ZBED6: variants seen among roughly 807,000 people sequenced by gnomAD.
ZBED6 encodes zinc finger BED domain-containing protein 6.
Under a neutral mutation model 58.4 loss-of-function variants are expected in ZBED6, and 40 were observed. That is an observed-to-expected ratio of 0.68 (90% CI 0.53 to 0.89). The LOEUF (loss-of-function observed/expected upper bound fraction) is 0.89. Ranked by LOEUF, ZBED6 falls within the 40% of genes least tolerant of loss-of-function variation. The pLI, the probability that ZBED6 is intolerant of heterozygous loss-of-function variation, is 0.00. For missense variants in ZBED6, 1,057 were observed against 1,003.9 expected (o/e 1.05, Z -0.71); for synonymous variants, 439 against 350.6 (o/e 1.25, Z -2.82).
intron 1 of ZBED6, among the ~76,000 whole-genome samples, chr1:203,809,754 G>A (rs1372784084): frequency 1.3e-5 from 2 of 152,140 alleles, no homozygotes; most frequent in East Asian, 1.9e-4. Context: ...AGGAGTTCGA[G>A]ACCAATCTGG....
At chr1:203,828,155 A>G (rs1231545260) in intron 3 of ZBED6, 144 bp from the exon 4 acceptor site, 3 of 894,192 alleles carry the variant, frequency 3.4e-6, no homozygotes, top group Admixed American at 5.1e-5. Context: ...TATTTTCAGC[A>G]ATCTCTCTTC....
intron 3 of ZBED6, among the ~76,000 whole-genome samples, chr1:203,820,468 A>ATGTGTGTGTGTGTGTGTG (rs71145033): frequency 4.7e-5 from 7 of 150,382 alleles, no homozygotes; most frequent in African/African-American, 1.5e-4. Context: ...ATCACAAATT[A>ATGTGTGTGTGTGTGTGTG]TGTGTGTGTG....
At chr1:203,841,775 T>C (rs1383398818) in intron 11 of ZBED6, among the ~76,000 whole-genome samples, 10 of 116,048 alleles carry the variant, frequency 8.6e-5, no homozygotes, top group Admixed American at 1.8e-4. Flanking sequence ...AGTGGCCGGG[T>C]GGAGGCGCCC....
chr1:203,829,870 G>A lies in ZBED6; in HGVS notation c.*3292G>A, dbSNP rs748828658. On this transcript the variant is annotated 3_prime_UTR_variant, in exon 6 of 17. Coordinates refer to ENST00000550078, the Ensembl canonical transcript of ZBED6. ...AATGGATTACGAGTGACTTCTGTCCGGAAACCTGCAGTCAATATAAAGCAA... is the reference window on the plus strand; with the variant it reads ...AATGGATTACGAGTGACTTCTGTCCAGAAACCTGCAGTCAATATAAAGCAA... The A allele has an allele frequency of 4.2e-5, 68 of 1,613,912 alleles. No individual in the cohort carries two copies. The highest frequency in any genetic ancestry group is 2.8e-4 in the Admixed American group (17 of 59,966).
chr1:203,849,567 C>T, intron 13 of ZBED6, 144 bp from the exon 14 acceptor site: 1 of 790,510 alleles, frequency 1.3e-6, no homozygotes, highest in Non-Finnish European at 2.1e-6. Flanking sequence ...AGGGTATTGT[C>T]TATTTAACAT....
chr1:203,849,001 C>A (rs1427733062), intron 13 of ZBED6, among the ~76,000 whole-genome samples: 1 of 152,214 alleles, frequency 6.6e-6, no homozygotes, highest in African/African-American at 2.4e-5. Context: ...TCTTGTGCCT[C>A]AGCCTCCCAT....
chr1:203,805,538 G>C, intron 1 of ZBED6: 2 of 550,826 alleles, frequency 3.6e-6, no homozygotes, highest in South Asian at 1.4e-5. Flanking sequence ...GGACAGAAAC[G>C]TATCTGTTAC....
At chr1:203,803,235 A>G (rs998380084) in intron 1 of ZBED6, among the ~76,000 whole-genome samples, 1 of 151,844 alleles carries the variant, frequency 6.6e-6, no homozygotes, top group East Asian at 1.9e-4. Context: ...CTTGTCCCCT[A>G]GGCTGGAGTG....
exon 17 of ZBED6, chr1:203,853,081 C>T (rs1375115780): frequency 1.3e-5 from 2 of 151,490 alleles, no homozygotes; most frequent in Non-Finnish European, 2.9e-5. Context: ...TCAGGGGTCC[C>T]CTGAAACTAA....
exon 1 of ZBED6, chr1:203,796,735 C>G (rs1334845458): frequency 2.9e-6 from 1 of 339,142 alleles, no homozygotes. Context: ...AAAAGCTTCT[C>G]AAGTCTAAAA....
chr1:203,831,604 T>C, intron 7 of ZBED6, 57 bp from the exon 8 acceptor site: 1 of 1,496,316 alleles, frequency 6.7e-7, no homozygotes, highest in Non-Finnish European at 9.2e-7. Context: ...ATTTTTTGAC[T>C]TGGGATAGCA....
chr1:203,830,987 C>A (rs543170415), intron 7 of ZBED6, among the ~76,000 whole-genome samples: 2 of 107,542 alleles, frequency 1.9e-5, no homozygotes, highest in South Asian at 6.2e-4. Flanking sequence ...GCTTTTGTTG[C>A]CAGGCTGGAG....
rs774995272 is a variant in ZBED6, at chr1:203,818,530, T to C, written c.*2754-40T>C. ...TTATGGATATTTTACCTAGGATGTA[T>C]TTCAATGCTACAAATAGAGTGTTCT... On this transcript the variant is annotated intron_variant, in intron 2 of 16. Coordinates refer to ENST00000550078, the Ensembl canonical transcript of ZBED6. The C allele has an allele frequency of 4.3e-6, 7 of 1,613,000 alleles. No homozygotes were observed. The East Asian group carries it at 1.3e-4, about 31-fold the overall frequency.
At position 203,845,106 on chromosome 1, in the gene ZBED6, C is replaced by CA. The variant is rs565456556; in HGVS notation, c.*3742-2077dup. Among the ~76,000 whole-genome samples, 656 of 152,294 alleles carry CA rather than the reference C, an allele frequency of 4.3e-3. 7 individuals are homozygous for CA. Among genetic ancestry groups the CA allele is most frequent in the African/African-American group, 0.015 (625 of 41,560 alleles). ...TGACTGTATTGGGAGGAACAGAACT[C>CA]ACGCCTATGGTTTTAACTATTATTT... is the stretch of plus-strand genomic sequence containing the variant. On this transcript the variant is annotated intron_variant, in intron 11 of 16. Coordinates refer to ENST00000550078, the Ensembl canonical transcript of ZBED6.
At chr1:203,848,206 G>A (rs1008688666) in intron 12 of ZBED6, 125 bp from the exon 13 acceptor site, 6 of 801,510 alleles carry the variant, frequency 7.5e-6, no homozygotes, top group Non-Finnish European at 1.0e-5. Flanking sequence ...AGCACAGATG[G>A]GCTTTATCTG....
At chr1:203,849,216 A>C (rs1435649886) in intron 13 of ZBED6, among the ~76,000 whole-genome samples, 1 of 152,174 alleles carries the variant, frequency 6.6e-6, no homozygotes, top group Non-Finnish European at 1.5e-5. Context: ...ATATGCATGC[A>C]TGTGAATTTG....
chr1:203,809,882 A>G (rs1453461994), intron 1 of ZBED6, among the ~76,000 whole-genome samples: 2 of 152,110 alleles, frequency 1.3e-5, no homozygotes, highest in Non-Finnish European at 2.9e-5. Flanking sequence ...TGAACCCAGG[A>G]GGTGGAGGTT....
intron 3 of ZBED6, among the ~76,000 whole-genome samples, chr1:203,822,241 T>C (rs1449019933): frequency 1.3e-5 from 2 of 152,126 alleles, no homozygotes; most frequent in Non-Finnish European, 2.9e-5. Context: ...AGTCTACTAG[T>C]ATAAAAACCA....
chr1:203,797,722 G>A (rs1669064524), exon 1 of ZBED6: 2 of 1,535,130 alleles, frequency 1.3e-6, no homozygotes, highest in South Asian at 2.4e-5. Flanking sequence ...AGAAAGAAGG[G>A]TTTGCGAATT....
Sources: allele counts gnomAD v4.1 joint callset (sites outside exome capture counted in the v4.1 genomes callset), GRCh38; gene constraint gnomAD v4.1.1; transcripts MANE v1.5; gene names NCBI Gene and HGNC (gene_info 2026-07-23, HGNC 2026-07-21).